CSMD1: variants seen among roughly 807,000 people sequenced by gnomAD.
CSMD1 encodes CUB and Sushi multiple domains 1, also known as CUB and sushi domain-containing protein 1.
CSMD1 carries 213 observed loss-of-function variants against 417.5 expected under a neutral mutation model. The ratio of observed to expected loss-of-function variants is 0.51; its 90% confidence interval spans 0.46 to 0.57. The LOEUF is 0.57. Ranked by LOEUF, CSMD1 falls within the 20% of genes least tolerant of loss-of-function variation. The pLI is 0.00. For synonymous variants in CSMD1, 2,862 were observed against 1,736.8 expected (o/e 1.65, Z -16.11); for missense variants, 6,923 against 4,529.7 (o/e 1.53, Z -15.17).
intron 3 of CSMD1, among the ~76,000 whole-genome samples, chr8:4,404,943 C>G (rs1051022850): frequency 6.6e-6 from 1 of 152,160 alleles, no homozygotes; most frequent in Non-Finnish European, 1.5e-5. Context: ...ATATGATTAT[C>G]CTCTTTTGGA....
chr8:3,764,090 G>A (rs1798143576), intron 5 of CSMD1, among the ~76,000 whole-genome samples: 2 of 152,096 alleles, frequency 1.3e-5, no homozygotes, highest in South Asian at 2.1e-4. Context: ...ATTTCTGGTT[G>A]CACTCAAAAA....
At chr8:3,818,954 T>A (rs982186896) in intron 5 of CSMD1, among the ~76,000 whole-genome samples, 5 of 152,164 alleles carry the variant, frequency 3.3e-5, no homozygotes, top group African/African-American at 1.2e-4. Context: ...TCTAAGGGGT[T>A]TGGTAGTTGA....
At chr8:3,910,022 A>C (rs1462244653) in intron 5 of CSMD1, among the ~76,000 whole-genome samples, 1 of 152,116 alleles carries the variant, frequency 6.6e-6, no homozygotes, top group Admixed American at 6.6e-5. Context: ...AAAGGTAAAT[A>C]ATTCTTTATT....
chr8:4,295,960 C>A (rs1039796495), intron 3 of CSMD1, among the ~76,000 whole-genome samples: 1 of 151,162 alleles, frequency 6.6e-6, no homozygotes, highest in South Asian at 2.1e-4. Context: ...CTCTGTAGAA[C>A]ATTTTCCTGA....
chr8:4,289,165 T>C (rs987210883), intron 3 of CSMD1, among the ~76,000 whole-genome samples: 1 of 152,186 alleles, frequency 6.6e-6, no homozygotes, highest in Non-Finnish European at 1.5e-5. Flanking sequence ...TAAGACAGTG[T>C]ATATTATATA....
intron 3 of CSMD1, among the ~76,000 whole-genome samples, chr8:4,283,623 C>G (rs998595437): frequency 2.0e-5 from 3 of 152,134 alleles, no homozygotes; most frequent in Non-Finnish European, 4.4e-5. Context: ...GAAACTTTCC[C>G]AAGAAATGTG....
intron 3 of CSMD1, among the ~76,000 whole-genome samples, chr8:4,184,505 T>A (rs750148467): frequency 1.3e-5 from 2 of 152,128 alleles, no homozygotes; most frequent in Non-Finnish European, 2.9e-5. Context: ...ATGTGGCATG[T>A]ATACACCATG....
At chr8:3,616,473 A>T (rs542894173) in intron 8 of CSMD1, among the ~76,000 whole-genome samples, 1 of 151,984 alleles carries the variant, frequency 6.6e-6, no homozygotes, top group African/African-American at 2.4e-5. Flanking sequence ...TAAATTACCC[A>T]CTCTCTGGTA....
intron 3 of CSMD1, among the ~76,000 whole-genome samples, chr8:4,261,512 A>G (rs1371394639): frequency 6.6e-6 from 1 of 152,188 alleles, no homozygotes; most frequent in Non-Finnish European, 1.5e-5. Context: ...AGCTAGTAAT[A>G]CTGTTATTAT....
At chr8:4,841,955 A>G (rs1458662304) in intron 1 of CSMD1, among the ~76,000 whole-genome samples, 1 of 98,748 alleles carries the variant, frequency 1.0e-5, no homozygotes, top group South Asian at 4.1e-4. Context: ...AACAATGGAT[A>G]TAACTGTCCT....
chr8:3,854,767 C>T (rs993555139), intron 5 of CSMD1, among the ~76,000 whole-genome samples: 14 of 151,234 alleles, frequency 9.3e-5, no homozygotes, highest in African/African-American at 2.9e-4. Flanking sequence ...AAAAAAAGAT[C>T]GATTAAGAAG....
intron 5 of CSMD1, among the ~76,000 whole-genome samples, chr8:3,920,016 C>A (rs573700337): frequency 7.9e-4 from 119 of 151,500 alleles, no homozygotes; most frequent in Non-Finnish European, 1.4e-3. Context: ...TAGGATTTAC[C>A]AAATTTGTTT....
At chr8:4,298,457 ATTAC>A (rs1039402725) in intron 3 of CSMD1, among the ~76,000 whole-genome samples, 3 of 152,148 alleles carry the variant, frequency 2.0e-5, no homozygotes, top group Admixed American at 6.6e-5. Context: ...TATACAGGAA[ATTAC>A]TTAGTGAGTA....
At chr8:4,571,490 C>T (rs1226446397) in intron 2 of CSMD1, among the ~76,000 whole-genome samples, 1 of 152,182 alleles carries the variant, frequency 6.6e-6, no homozygotes, top group Non-Finnish European at 1.5e-5. Context: ...AATTTGATTG[C>T]ACTGTGGTCT....
chr8:4,697,768 T>G (rs920696506), intron 1 of CSMD1, among the ~76,000 whole-genome samples: 9 of 152,200 alleles, frequency 5.9e-5, no homozygotes, highest in Admixed American at 2.6e-4. Context: ...TCATTTGGCA[T>G]TACAAACTGT....
chr8:3,047,511 G>A (rs1030266489), intron 50 of CSMD1, among the ~76,000 whole-genome samples: 3 of 152,128 alleles, frequency 2.0e-5, no homozygotes, highest in Non-Finnish European at 4.4e-5. Flanking sequence ...GAGGGGTTGC[G>A]AGTACACAGC....
chr8:4,225,544 T>C (rs1409868117), intron 3 of CSMD1, among the ~76,000 whole-genome samples: 1 of 151,996 alleles, frequency 6.6e-6, no homozygotes, highest in Admixed American at 6.5e-5. Context: ...CTATTTTTTC[T>C]TCTTCCTTAG....
At chr8:4,415,504 G>A (rs1258496457) in intron 3 of CSMD1, among the ~76,000 whole-genome samples, 2 of 152,112 alleles carry the variant, frequency 1.3e-5, no homozygotes, top group East Asian at 1.9e-4. Flanking sequence ...ACGTAGACCT[G>A]CTCTTTCCCT....
At chr8:4,192,077 A>G (rs1382339502) in intron 3 of CSMD1, among the ~76,000 whole-genome samples, 1 of 152,124 alleles carries the variant, frequency 6.6e-6, no homozygotes, top group Non-Finnish European at 1.5e-5. Flanking sequence ...GCCATTACAG[A>G]CAAACAGAAA....
Sources: gnomAD v4.1 joint callset for allele counts (sites outside exome capture counted in the v4.1 genomes callset) on GRCh38, gnomAD v4.1.1 for gene constraint, MANE v1.5 for transcripts, NCBI Gene and HGNC (gene_info 2026-07-23, HGNC 2026-07-21) for gene names.